The following CAPN13 variants were observed in gnomAD, a reference collection of about 807,000 sequenced individuals.
The protein encoded by CAPN13 is calpain-13.
CAPN13 carries 90 observed loss-of-function variants against 98.4 expected under a neutral mutation model. The ratio of observed to expected loss-of-function variants is 0.92; its 90% CI spans 0.77 to 1.09. The LOEUF (loss-of-function observed/expected upper bound fraction) is 1.09, where lower values mean the gene tolerates loss of function less well. Ranked by LOEUF, CAPN13 falls within the 50% of genes least tolerant of loss-of-function variation. The probability of loss-of-function intolerance (pLI) is 0.00; values close to 1 mark genes in which losing one functional copy is unlikely to be tolerated. For missense variants in CAPN13, 887 were observed against 841.3 expected (o/e 1.05, Z -0.67); for synonymous variants, 330 against 305.5 (o/e 1.08, Z -0.84).
At chr2:30,731,232 C>G (rs546810514) in intron 21 of CAPN13, 112 bp downstream of exon 21, 1 of 921,430 alleles carries the variant, frequency 1.1e-6, no homozygotes, top group Non-Finnish European at 1.6e-6. Context: ...GACAGCTTGG[C>G]TGGCCTTTGA....
chr2:30,775,469 T>TA lies in CAPN13; in HGVS notation c.387+460dup, dbSNP rs557621909. Among the ~76,000 whole-genome samples, 1,331 of 152,050 alleles carry TA rather than the reference T, an allele frequency of 8.8e-3. 7 individuals are homozygous for TA. Among genetic ancestry groups the TA allele is most frequent in the African/African-American group, 0.03 (1,246 of 41,486 alleles). ...CATTGTGTATCACAGTGGCTTTTTT[T>TA]AAAAAAAATAGACAAAATAATTTTA... On this transcript the variant is annotated intron_variant, in intron 4 of 22. Transcript: ENST00000295055.
chr2:30,747,968 T>C (rs13417416), intron 11 of CAPN13, among the ~76,000 whole-genome samples: 20,429 of 152,240 alleles, frequency 0.13, 1,651 homozygotes, highest in Non-Finnish European at 0.19. Context: ...GGGCTTGATG[T>C]CATTTTAAAA....
At chr2:30,761,101 T>G (rs1267563537) in intron 7 of CAPN13, among the ~76,000 whole-genome samples, 1 of 152,214 alleles carries the variant, frequency 6.6e-6, no homozygotes, top group African/African-American at 2.4e-5. Flanking sequence ...AAAATGTGAA[T>G]GTACACTCTG....
chr2:30,729,609 G>T (rs757600634), intron 22 of CAPN13: 2 of 152,160 alleles, frequency 1.3e-5, no homozygotes, highest in South Asian at 4.1e-4. Context: ...AGTGAAAGGA[G>T]AACTCAAGGA....
intron 5 of CAPN13, 56 bp from the exon 6 acceptor site, chr2:30,764,362 G>C: frequency 6.3e-7 from 1 of 1,580,802 alleles, no homozygotes; most frequent in South Asian, 1.2e-5. Context: ...TGCTCTGGGA[G>C]GGGAGCTTGT....
chr2:30,803,376 G>C (rs1409989160), intron 1 of CAPN13, among the ~76,000 whole-genome samples: 1 of 152,166 alleles, frequency 6.6e-6, no homozygotes, highest in Non-Finnish European at 1.5e-5. Context: ...ACAGGGTCTT[G>C]TTCAGTCCTC....
At position 30,785,532 on chromosome 2, in the gene CAPN13, C is replaced by G. The variant is rs1310034636; in HGVS notation, c.198+1596G>C. 2.0e-5 allele frequency among the ~76,000 whole-genome samples: 3 copies of G among 152,134 alleles called. No homozygotes were observed. In the East Asian group the frequency reaches 5.8e-4, roughly 29 times the overall value. ...TAGTAATGGGAAAAGCAGATTCGGC[C>G]CCTGGCTGCCTCTATTTTGGGTTCC... is the stretch of plus-strand genomic sequence containing the variant. On this transcript the variant is annotated intron_variant, in intron 2 of 22. Coordinates refer to ENST00000295055, the MANE Select transcript of CAPN13 (RefSeq NM_144575.3).
In CAPN13 at chr2:30,802,550, G is replaced by A. The variant is rs866388238; in HGVS notation, c.-33+4752C>T. ...AGCAGAGAAAGGCAGGCTGGGGGGG[G>A]GGGGTGGTGGTTAGACCTCTGAGGT... On this transcript the variant is annotated intron_variant, in intron 1 of 22. Coordinates refer to ENST00000295055, the MANE Select transcript of CAPN13 (RefSeq NM_144575.3). Among the ~76,000 whole-genome samples, 94 of 150,902 alleles carry A rather than the reference G, an allele frequency of 6.2e-4. No homozygotes were observed. In the Middle Eastern group the frequency reaches 0.018, roughly 28 times the overall value.
intron 2 of CAPN13, among the ~76,000 whole-genome samples, chr2:30,780,391 A>G (rs1189366678): frequency 6.6e-6 from 1 of 152,288 alleles, no homozygotes; most frequent in Non-Finnish European, 1.5e-5. Context: ...TTTGCTGTAG[A>G]AATGCAGAAT....
chr2:30,787,196 C>G lies in CAPN13; in HGVS notation c.130G>C (p.Asp44His), dbSNP rs1674334094. 1.2e-6 allele frequency: 2 copies of G among 1,602,052 alleles called. No individual in the cohort carries two copies. Among genetic ancestry groups the G allele is most frequent in the African/African-American group, 1.3e-5 (1 of 74,740 alleles). The change falls in exon 2 of 23, where the codon GAT becomes CAT. Residue 44 changes from aspartate (D) to histidine (H), a missense_variant. By Grantham distance (81) the Asp-to-His change is moderately conservative. Transcript: ENST00000295055. ...AGCAGCTTCTGGCCTATGGAAGAAT[C>G]TGCTGCAGGGAATGTCTCATCCTTA... ...TFKDETFPAA[D>H]SSIGQKLLQE...
Position 30,734,516 on chromosome 2 carries a change from G to C in CAPN13, c.1731C>G (p.Phe577Leu), listed in dbSNP as rs781285960. The C allele has an allele frequency of 1.9e-6, 3 of 1,613,640 alleles. No individual in the cohort carries two copies. The highest frequency in any genetic ancestry group is 2.5e-6 in the Non-Finnish European group (3 of 1,179,580). The part of the protein sequence containing the change: ...WKRLVHYQHV[F>L]QKVQTSPGVL... ...CTCCAGGGCTTGTCTGAACCTTCTG[G>C]AAAACATGCTAATAGGGGAAGAGAA... Residue 577 changes from phenylalanine (F) to leucine (L), a missense_variant, in exon 19 of 23, where the codon TTC becomes TTG. Physicochemically the swap from Phe to Leu is conservative, Grantham distance 22. Coordinates refer to ENST00000295055, the MANE Select transcript of CAPN13 (RefSeq NM_144575.3).
chr2:30,726,603 A>G (rs1670866301), intron 22 of CAPN13, among the ~76,000 whole-genome samples: 2 of 152,190 alleles, frequency 1.3e-5, no homozygotes, highest in Non-Finnish European at 2.9e-5. Flanking sequence ...TGAAAATAAT[A>G]TTAACAATTT....
At chr2:30,748,755 G>A (rs1672036884) in intron 11 of CAPN13, among the ~76,000 whole-genome samples, 1 of 152,118 alleles carries the variant, frequency 6.6e-6, no homozygotes, top group Non-Finnish European at 1.5e-5. Flanking sequence ...AATAACAACG[G>A]TGTACTACTG....
At chr2:30,742,775 G>T (rs554260947) in intron 13 of CAPN13, among the ~76,000 whole-genome samples, 1 of 152,132 alleles carries the variant, frequency 6.6e-6, no homozygotes, top group Non-Finnish European at 1.5e-5. Context: ...GGAGACAAGG[G>T]GCCCAGTGGG....
At position 30,758,077 on chromosome 2, in the gene CAPN13, C is replaced by T. The variant is rs569402825; in HGVS notation, c.835G>A (p.Glu279Lys). 2.4e-5 allele frequency: 39 copies of T among 1,611,174 alleles called. No individual in the cohort carries two copies. The East Asian group carries it at 2.9e-4, about 12-fold the overall frequency. The change falls in exon 8 of 23, where the codon GAG becomes AAG. Residue 279 changes from glutamate (E) to lysine (K), a missense_variant. Transcript: ENST00000295055. ...CTCCAGCGCCCTCTCCATTCGGCCT[C>T]GCCCCAGCCCCAGGGGTTCCACAGG... is the stretch of plus-strand genomic sequence containing the variant. Reference protein sequence around the residue: ...ISLWNPWGWGEAEWRGRWSDG... With the variant: ...ISLWNPWGWGKAEWRGRWSDG...
intron 7 of CAPN13, among the ~76,000 whole-genome samples, chr2:30,759,589 C>T (rs1328030642): frequency 6.6e-6 from 1 of 152,198 alleles, no homozygotes; most frequent in African/African-American, 2.4e-5. Context: ...TAGACTATCG[C>T]TGTGTGGAAG....
At chr2:30,727,102 T>C (rs957092779) in intron 22 of CAPN13, among the ~76,000 whole-genome samples, 10 of 152,202 alleles carry the variant, frequency 6.6e-5, no homozygotes, top group Admixed American at 6.5e-5. Flanking sequence ...GAATAGTTTT[T>C]TCAGCAACTG....
At chr2:30,803,765 A>G (rs950201545) in intron 1 of CAPN13, among the ~76,000 whole-genome samples, 2 of 152,272 alleles carry the variant, frequency 1.3e-5, no homozygotes, top group South Asian at 4.1e-4. Flanking sequence ...TTTATTCACT[A>G]AATAGTTTGT....
chr2:30,764,102 C>A (rs1285926117), intron 6 of CAPN13, 30 bp downstream of exon 6: 1 of 1,545,292 alleles, frequency 6.5e-7, no homozygotes. Flanking sequence ...AAAGCTTGAA[C>A]TGGTGCAAAA....
Sources: gnomAD v4.1 joint callset for allele counts (sites outside exome capture counted in the v4.1 genomes callset) on GRCh38, gnomAD v4.1.1 for gene constraint, MANE v1.5 for transcripts, NCBI Gene and HGNC (gene_info 2026-07-23, HGNC 2026-07-21) for gene names.